The following ANKRD30BL variants were observed in gnomAD, a reference collection of about 807,000 sequenced individuals.
ANKRD30BL encodes putative ankyrin repeat domain-containing protein 30B-like.
Under a neutral mutation model 18.4 loss-of-function variants are expected in ANKRD30BL, and 20 were observed. That is an observed-to-expected ratio of 1.09 (90% confidence interval 0.77 to 1.58). The LOEUF is 1.58. ANKRD30BL is among the 40% of genes most tolerant of loss of function. ANKRD30BL has a pLI of 0.00. For missense variants in ANKRD30BL, 224 were observed against 268.6 expected, an observed-to-expected ratio of 0.83 and a Z score of 1.16; for synonymous variants, 72 against 100.9, an observed-to-expected ratio of 0.71 and a Z score of 1.72.
intron 1 of ANKRD30BL, among the ~76,000 whole-genome samples, chr2:132,199,746 G>A (rs868440222): frequency 2.0e-5 from 3 of 151,982 alleles, no homozygotes; most frequent in Non-Finnish European, 1.5e-5. Context: ...GCATCTATGG[G>A]ATTGTTGTAT....
chr2:132,235,255 G>A (rs1448938793), intron 1 of ANKRD30BL, among the ~76,000 whole-genome samples: 1 of 152,148 alleles, frequency 6.6e-6, no homozygotes, highest in African/African-American at 2.4e-5. Flanking sequence ...AAAACTGGAA[G>A]CATTTCCTTT....
chr2:132,220,788 C>T (rs1240566700), intron 1 of ANKRD30BL, among the ~76,000 whole-genome samples: 14 of 151,722 alleles, frequency 9.2e-5, no homozygotes, highest in African/African-American at 2.4e-4. Context: ...GCCGCCACCC[C>T]GTCTGGGAAG....
chr2:132,175,933 C>T (rs1688361090), intron 1 of ANKRD30BL, among the ~76,000 whole-genome samples: 1 of 152,168 alleles, frequency 6.6e-6, no homozygotes, highest in Non-Finnish European at 1.5e-5. Flanking sequence ...AGATTAACAG[C>T]ATCTCAGGGC....
In ANKRD30BL at chr2:132,157,358, T is replaced by G; in HGVS notation, c.284A>C (p.Lys95Thr). Residue 95 changes from lysine to threonine, a missense_variant, in exon 2 of 6, where the codon AAG becomes ACG. Physicochemically the swap from Lys to Thr is moderately conservative, Grantham distance 78. Around this residue, in one of 3 missense-constraint regions of ANKRD30BL, gnomAD observed 131 missense variants for 128.8 expected, o/e 1.02. Transcript: ENST00000409867. ...ACCATCAAGGACGTCAAGCTGACACTTTCTATCTACCAGAAGTGTTACTAC... is the reference window on the plus strand; with the variant it reads ...ACCATCAAGGACGTCAAGCTGACACGTTCTATCTACCAGAAGTGTTACTAC... ...AEVVTLLVDR[K>T]CQLDVLDGEN... The G allele has an allele frequency of 1.3e-6, 1 of 750,040 alleles. No individual in the cohort carries two copies. 46.5% of individuals were successfully genotyped at this position (750,040 alleles called of 1,614,324 possible).
chr2:132,242,119 GT>G (rs1680354209), intron 1 of ANKRD30BL, among the ~76,000 whole-genome samples: 1 of 151,506 alleles, frequency 6.6e-6, no homozygotes, highest in Admixed American at 6.6e-5. Context: ...AGATACAGCA[GT>G]TTTTAACCAC....
At chr2:132,196,332 G>A (rs531005471) in intron 1 of ANKRD30BL, among the ~76,000 whole-genome samples, 89 of 152,156 alleles carry the variant, frequency 5.8e-4, no homozygotes, top group African/African-American at 2.0e-3. Context: ...GCAGGTGCCT[G>A]CAATCCCAGC....
At chr2:132,235,633 G>T (rs1680133007) in intron 1 of ANKRD30BL, among the ~76,000 whole-genome samples, 1 of 152,070 alleles carries the variant, frequency 6.6e-6, no homozygotes, top group Non-Finnish European at 1.5e-5. Context: ...ACTTACAAGG[G>T]ATGTGAAGGA....
chr2:132,224,022 C>T (rs150736748), intron 1 of ANKRD30BL, among the ~76,000 whole-genome samples: 6 of 152,064 alleles, frequency 3.9e-5, no homozygotes, highest in East Asian at 1.9e-4. Flanking sequence ...GTACATTCAA[C>T]GCACAGAGTT....
intron 1 of ANKRD30BL, among the ~76,000 whole-genome samples, chr2:132,195,520 G>C (rs1437370147): frequency 6.6e-6 from 1 of 151,842 alleles, no homozygotes; most frequent in African/African-American, 2.4e-5. Flanking sequence ...GCCAGGCATG[G>C]TGGCTCACGC....
chr2:132,255,367 C>A (rs16849021), intron 1 of ANKRD30BL, among the ~76,000 whole-genome samples: 2 of 148,700 alleles, frequency 1.3e-5, no homozygotes, highest in South Asian at 4.3e-4. Flanking sequence ...AGTATCCAGG[C>A]GGCTTGGGCC....
chr2:132,160,644 G>T (rs74877626), intron 1 of ANKRD30BL, among the ~76,000 whole-genome samples: 23 of 148,460 alleles, frequency 1.5e-4, no homozygotes, highest in African/African-American at 5.2e-4. Context: ...TAGCCAGGAT[G>T]GTCTCGATCT....
intron 1 of ANKRD30BL, among the ~76,000 whole-genome samples, chr2:132,192,188 CAAGT>C (rs1252535637): frequency 6.6e-6 from 1 of 152,102 alleles, no homozygotes; most frequent in Non-Finnish European, 1.5e-5. Flanking sequence ...CAACATAACA[CAAGT>C]AAGCCACAAG....
At chr2:132,231,103 T>C (rs1472890498) in intron 1 of ANKRD30BL, among the ~76,000 whole-genome samples, 3 of 151,982 alleles carry the variant, frequency 2.0e-5, no homozygotes, top group Non-Finnish European at 4.4e-5. Flanking sequence ...TTGTGGAGTC[T>C]GCAAGTGAAC....
rs549108310 is a variant in ANKRD30BL, at chr2:132,216,803, C to T, written n.441+40726G>A. Among the ~76,000 whole-genome samples the T allele has an allele frequency of 2.6e-5, 4 of 152,088 alleles. No homozygotes were observed. The East Asian group carries it at 7.7e-4, about 29-fold the overall frequency. Reference sequence around the variant, plus strand: ...CTCAGAAACTTCTTTGTGATGTGTACATTCAACTCACAGAGTTGAACCTTT... The same window carrying T: ...CTCAGAAACTTCTTTGTGATGTGTATATTCAACTCACAGAGTTGAACCTTT... On this transcript the variant is annotated intron_variant and non_coding_transcript_variant, in intron 1 of 4. Transcript: ENST00000470729.
chr2:132,219,638 G>A (rs112877285), intron 1 of ANKRD30BL, among the ~76,000 whole-genome samples: 11 of 152,124 alleles, frequency 7.2e-5, no homozygotes, highest in African/African-American at 2.4e-4. Flanking sequence ...GAGGCCTAAG[G>A]TGGGAAAGGA....
At chr2:132,159,575 A>G (rs1212808847) in intron 1 of ANKRD30BL, among the ~76,000 whole-genome samples, 1 of 152,194 alleles carries the variant, frequency 6.6e-6, no homozygotes, top group Non-Finnish European at 1.5e-5. Flanking sequence ...TCTGCAATTT[A>G]TATCTCTAAC....
rs375333122 is a variant in ANKRD30BL, at chr2:132,205,350, C to G, written n.442-48204G>C. Among the ~76,000 whole-genome samples the G allele has an allele frequency of 4.9e-4, 74 of 150,282 alleles. 2 individuals are homozygous for G. In the East Asian group the frequency reaches 0.014, roughly 28 times the overall value. On this transcript the variant is annotated intron_variant and non_coding_transcript_variant, in intron 1 of 4. Coordinates refer to the ANKRD30BL transcript ENST00000470729. ...CATGGGCTGGGCATTGTGGCTCATG[C>G]CTATAATCCCAGCACTTTGGGAGGC... is the stretch of plus-strand genomic sequence containing the variant.
chr2:132,179,605 G>A (rs1463990636), intron 1 of ANKRD30BL, among the ~76,000 whole-genome samples: 2 of 152,014 alleles, frequency 1.3e-5, no homozygotes, highest in Admixed American at 1.3e-4. Flanking sequence ...ATCATGTTTT[G>A]AGAGGGTACT....
intron 1 of ANKRD30BL, among the ~76,000 whole-genome samples, chr2:132,196,143 A>G (rs1265178426): frequency 7.8e-6 from 1 of 128,512 alleles, no homozygotes; most frequent in Non-Finnish European, 1.7e-5. Flanking sequence ...GTCCATCTCA[A>G]AAAAAAAAAA....
Sources: gnomAD v4.1 joint callset for allele counts (sites outside exome capture counted in the v4.1 genomes callset) on GRCh38, gnomAD v4.1.1 for gene constraint, gnomAD v4.1.1 regional missense constraint, MANE v1.5 for transcripts, NCBI Gene and HGNC (gene_info 2026-07-23, HGNC 2026-07-21) for gene names.